The following USH2A variants were observed in gnomAD, a reference collection of about 807,000 sequenced individuals.
USH2A encodes the protein Usher syndrome 2A (autosomal recessive, mild).
In USH2A, 443 loss-of-function variants were observed where a neutral mutation model predicts 538.9. The observed-to-expected ratio is 0.82, with a 90% CI of 0.76 to 0.89. The LOEUF is 0.89. Ranked by LOEUF, USH2A falls within the 40% of genes least tolerant of loss-of-function variation. The pLI is 0.00. For synonymous variants in USH2A, 2,413 were observed against 2,273.5 expected, an observed-to-expected ratio of 1.06 and a Z score of -1.75; for missense variants, 6,633 against 6,324.8, an observed-to-expected ratio of 1.05 and a Z score of -1.65.
chr1:216,042,213 G>A (rs1158037594), intron 32 of USH2A, among the ~76,000 whole-genome samples: 1 of 151,962 alleles, frequency 6.6e-6, no homozygotes, highest in Non-Finnish European at 1.5e-5. Flanking sequence ...TCATACATAG[G>A]TTATAGCTCA....
chr1:215,741,455 T>G lies in USH2A; in HGVS notation c.11631A>C (p.Ala3877=), dbSNP rs1318290007. ...TAATCTCTATGCAAGCTGACCCCAG[T>G]GCCTTAAGAACAGGAGAATTAAGAT... ...PMDLNSPVLK[A]LGSACIEIKW... The change falls in exon 60 of 72, where the codon GCA becomes GCC. Residue 3877 remains alanine, a synonymous_variant. Coordinates refer to ENST00000307340, the MANE Select transcript of USH2A (RefSeq NM_206933.4). 16 of 1,613,860 alleles carry G rather than the reference T, an allele frequency of 9.9e-6. No homozygotes were observed. The highest frequency in any genetic ancestry group is 1.4e-5 in the Non-Finnish European group (16 of 1,180,008).
chr1:215,647,356 T>G (rs1656885505), intron 67 of USH2A, among the ~76,000 whole-genome samples, 166 bp downstream of exon 67: 1 of 152,176 alleles, frequency 6.6e-6, no homozygotes, highest in South Asian at 2.1e-4. Context: ...TTAAATCCAG[T>G]AGGCATTTTT....
chr1:216,135,159 CTCTCTCTCACACACACACAT>C lies in USH2A; in HGVS notation c.4628-37966_4628-37947del, dbSNP rs1178622307. On this transcript the variant is annotated intron_variant, in intron 21 of 71. Transcript: ENST00000307340. ...ACTCTCTCTCTCTCTCTCTCTCTCT[CTCTCTCTCACACACACACAT>C]ACACACACACACACACACACACACA... Among the ~76,000 whole-genome samples, 25 of 123,504 alleles carry C rather than the reference CTCTCTCTCACACACACACAT, an allele frequency of 2.0e-4. No individual in the cohort carries two copies. In the East Asian group the frequency reaches 6.9e-3, roughly 34 times the overall value. 81.0% of individuals were successfully genotyped at this position (123,504 alleles called of 152,430 possible).
At chr1:215,783,141 G>A (rs1336114747) in intron 52 of USH2A, among the ~76,000 whole-genome samples, 1 of 151,966 alleles carries the variant, frequency 6.6e-6, no homozygotes, top group African/African-American at 2.4e-5. Context: ...ATACGGAATT[G>A]CACAGAATAG....
At chr1:216,366,390 T>C (rs957004372) in intron 3 of USH2A, among the ~76,000 whole-genome samples, 2 of 152,068 alleles carry the variant, frequency 1.3e-5, no homozygotes, top group Admixed American at 6.6e-5. Context: ...AGGGGGAGGC[T>C]GTGGGTACAT....
At chr1:216,277,023 C>A (rs1361688875) in intron 11 of USH2A, among the ~76,000 whole-genome samples, 5 of 152,250 alleles carry the variant, frequency 3.3e-5, no homozygotes, top group Non-Finnish European at 1.5e-5. Flanking sequence ...TCATATCTAT[C>A]TATATCTACC....
intron 37 of USH2A, among the ~76,000 whole-genome samples, chr1:215,952,144 G>T (rs1469405261): frequency 6.6e-6 from 1 of 152,184 alleles, no homozygotes; most frequent in Admixed American, 6.5e-5. Context: ...GATTACAGGC[G>T]TGAGCCACCG....
At chr1:216,351,178 A>G (rs575230938) in intron 4 of USH2A, among the ~76,000 whole-genome samples, 2 of 152,330 alleles carry the variant, frequency 1.3e-5, no homozygotes, top group African/African-American at 4.8e-5. Context: ...TATATTATAG[A>G]GGGAAAAACA....
intron 4 of USH2A, among the ~76,000 whole-genome samples, chr1:216,331,672 A>G (rs1401202344): frequency 6.6e-6 from 1 of 152,200 alleles, no homozygotes; most frequent in Non-Finnish European, 1.5e-5. Flanking sequence ...GATAGAAGTT[A>G]AATGAGTAAT....
At position 216,303,586 on chromosome 1, in the gene USH2A, A is replaced by G. The variant is rs180823263; in HGVS notation, c.1645-11216T>C. Among the ~76,000 whole-genome samples, 437 of 152,102 alleles carry G rather than the reference A, an allele frequency of 2.9e-3. 10 individuals are homozygous for G. Among genetic ancestry groups the G allele is most frequent in the Non-Finnish European group, 1.6e-3 (108 of 67,852 alleles). ...ACTTGATTACTACATTAGTAAATTA[A>G]AAAACCCTTTCTTAAGTATTGCTGC... On this transcript the variant is annotated intron_variant, in intron 9 of 71. Transcript: ENST00000307340.
At chr1:216,260,218 C>G (rs997294482) in intron 11 of USH2A, among the ~76,000 whole-genome samples, 5 of 151,986 alleles carry the variant, frequency 3.3e-5, no homozygotes, top group African/African-American at 4.8e-5. Context: ...ATTTTGAAGA[C>G]AGAAAATGAA....
At chr1:215,918,438 G>C (rs1329646907) in intron 38 of USH2A, among the ~76,000 whole-genome samples, 2 of 152,090 alleles carry the variant, frequency 1.3e-5, no homozygotes, top group Non-Finnish European at 2.9e-5. Context: ...TCTGCCATGT[G>C]AAGTTAGAGT....
At chr1:215,738,854 G>GAA (rs1293913397) in intron 60 of USH2A, among the ~76,000 whole-genome samples, 1 of 152,168 alleles carries the variant, frequency 6.6e-6, no homozygotes, top group Non-Finnish European at 1.5e-5. Context: ...AACCTCCTCA[G>GAA]AAATACTGCA....
intron 3 of USH2A, among the ~76,000 whole-genome samples, chr1:216,396,703 C>T (rs1490144015): frequency 6.6e-6 from 1 of 152,102 alleles, no homozygotes; most frequent in Non-Finnish European, 1.5e-5. Flanking sequence ...TATGACTCCA[C>T]ATTCCTCAAT....
At chr1:216,115,540 T>C (rs1164889808) in intron 21 of USH2A, among the ~76,000 whole-genome samples, 1 of 152,190 alleles carries the variant, frequency 6.6e-6, no homozygotes, top group Admixed American at 6.5e-5. Flanking sequence ...AATCAGTGTA[T>C]TATTAAAAAG....
intron 70 of USH2A, among the ~76,000 whole-genome samples, chr1:215,630,482 GTATA>G (rs1158726890): frequency 0.058 from 1,289 of 22,198 alleles, 14 homozygotes; most frequent in East Asian, 0.17. Context: ...ATGTGTGTGT[GTATA>G]TATATATATA....
intron 15 of USH2A, among the ~76,000 whole-genome samples, chr1:216,213,355 T>G (rs944533055): frequency 6.6e-6 from 1 of 152,090 alleles, no homozygotes; most frequent in African/African-American, 2.4e-5. Context: ...CTGCTCTGGC[T>G]AATATGTGGG....
intron 38 of USH2A, among the ~76,000 whole-genome samples, chr1:215,932,700 T>C (rs745511967): frequency 2.2e-4 from 34 of 152,006 alleles, no homozygotes; most frequent in Non-Finnish European, 8.8e-5. Context: ...ATTCTAGATT[T>C]CTGAATACAT....
chr1:216,103,474 A>G (rs951407444), intron 21 of USH2A, among the ~76,000 whole-genome samples: 1 of 152,230 alleles, frequency 6.6e-6, no homozygotes, highest in Non-Finnish European at 1.5e-5. Context: ...ATTGTCAAGT[A>G]ATAGCCATAC....
Sources: allele counts gnomAD v4.1 joint callset (sites outside exome capture counted in the v4.1 genomes callset), GRCh38; gene constraint gnomAD v4.1.1; transcripts MANE v1.5; gene names NCBI Gene and HGNC (gene_info 2026-07-23, HGNC 2026-07-21).